Variants in FAM8A1 observed in about 807,000 individuals in gnomAD.
The protein encoded by FAM8A1 is protein FAM8A1.
FAM8A1 carries 18 observed loss-of-function variants against 38.3 expected under a neutral mutation model. The observed-to-expected ratio is 0.47, with a 90% CI of 0.33 to 0.70. The LOEUF (loss-of-function observed/expected upper bound fraction) is 0.70. Among genes scored for constraint, FAM8A1 ranks in the 30% least tolerant of loss-of-function variants. FAM8A1 has a pLI of 0.03. For synonymous variants in FAM8A1, 246 were observed against 234.4 expected (o/e 1.05, Z -0.45); for missense variants, 559 against 559.6 (o/e 1.00, Z 0.01).
chr6:17,602,092 G>C (rs1278491906), intron 1 of FAM8A1, among the ~76,000 whole-genome samples: 1 of 152,236 alleles, frequency 6.6e-6, no homozygotes, highest in Non-Finnish European at 1.5e-5. Flanking sequence ...TAGTGCAGTG[G>C]CGATCTTGGC....
chr6:17,600,585 C>T lies in FAM8A1; in HGVS notation c.176C>T (p.Ala59Val). The T allele has an allele frequency of 6.7e-7, 1 of 1,489,994 alleles. No homozygotes were observed. The highest frequency in any genetic ancestry group is 8.9e-7 in the Non-Finnish European group (1 of 1,124,902). 92.3% of individuals were successfully genotyped at this position (1,489,994 alleles called of 1,614,324 possible). A position where few individuals can be genotyped will look rare whatever the true frequency, so the allele number is the denominator to read the frequency against. ...APGRPTAPGLAAAAAADKLEP... is the reference protein window; with the variant it reads ...APGRPTAPGLVAAAAADKLEP... ...GGCCGGCCCACAGCCCCGGGCCTCG[C>T]GGCTGCCGCCGCAGCCGACAAATTG... The change falls in exon 1 of 5, where the codon GCG becomes GTG. Residue 59 changes from alanine (A) to valine (V), a missense_variant. By Grantham distance (64) the Ala-to-Val change is moderately conservative. Around this residue, in one of 2 missense-constraint regions of FAM8A1, gnomAD observed 393 missense variants for 338.9 expected, o/e 1.16. Transcript: ENST00000259963.
At chr6:17,604,844 A>T (rs963021452) in intron 2 of FAM8A1, 62 bp from the exon 3 acceptor site, 8 of 1,376,068 alleles carry the variant, frequency 5.8e-6, no homozygotes, top group Non-Finnish European at 7.8e-6. Flanking sequence ...TAATGAAAAA[A>T]AAGTCAGTGC....
intron 4 of FAM8A1, 139 bp from the exon 5 acceptor site, chr6:17,608,056 T>C: frequency 2.2e-6 from 2 of 914,800 alleles, no homozygotes; most frequent in Non-Finnish European, 3.3e-6. Context: ...AACTATACCT[T>C]GAATGTCTTT....
At chr6:17,601,341 G>A (rs1214670067) in intron 1 of FAM8A1, among the ~76,000 whole-genome samples, 1 of 152,190 alleles carries the variant, frequency 6.6e-6, no homozygotes, top group East Asian at 1.9e-4. Context: ...ACTCCAAATT[G>A]ACTCCCTTAC....
At chr6:17,606,401 C>T (rs909440011) in intron 4 of FAM8A1, among the ~76,000 whole-genome samples, 5 of 152,072 alleles carry the variant, frequency 3.3e-5, no homozygotes, top group Admixed American at 6.6e-5. Flanking sequence ...GGGGTTTCAC[C>T]GTGTTAACCA....
chr6:17,600,995 C>G lies in FAM8A1; in HGVS notation c.586C>G (p.Pro196Ala), dbSNP rs1365768590. The G allele has an allele frequency of 6.3e-7, 1 of 1,591,142 alleles. No individual in the cohort carries two copies. The highest frequency in any genetic ancestry group is 8.5e-7 in the Non-Finnish European group (1 of 1,170,836). ...GCGGACAGCTGCCGGCATCAGCACC[C>G]CTGCTCCAGTCGCGGGCCTGGGACC... ...DPRTAAGIST[P>A]APVAGLGPRA... Residue 196 changes from proline (P) to alanine (A), a missense_variant, in exon 1 of 5, where the codon CCT becomes GCT. Coordinates refer to ENST00000259963, the MANE Select transcript of FAM8A1 (RefSeq NM_016255.3).
At chr6:17,601,722 T>A (rs1763987938) in intron 1 of FAM8A1, among the ~76,000 whole-genome samples, 1 of 152,360 alleles carries the variant, frequency 6.6e-6, no homozygotes, top group South Asian at 2.1e-4. Flanking sequence ...ACTTTTAGTT[T>A]ATTTTAGTTA....
rs753736717 is a variant in FAM8A1, at chr6:17,600,525, C to G, written c.116C>G (p.Pro39Arg). 14 of 1,534,166 alleles carry G rather than the reference C, an allele frequency of 9.1e-6. No homozygotes were observed. Among genetic ancestry groups the G allele is most frequent in the Admixed American group, 2.0e-5 (1 of 50,926 alleles). Reference sequence around the variant, plus strand: ...CCTCCTACCACCGCCGTCCCATGCCCCCGCGACGACCCCCAGGCCGAACCC... The same window carrying G: ...CCTCCTACCACCGCCGTCCCATGCCGCCGCGACGACCCCCAGGCCGAACCC... ...RGPPTTAVPC[P>R]RDDPQAEPQA... is the part of the protein sequence containing the mutation. Residue 39 changes from proline to arginine, a missense_variant, in exon 1 of 5, where the codon CCC (proline) becomes CGC (arginine). This residue lies in a region of FAM8A1 where 393 missense variants were observed against 338.9 expected (regional missense o/e 1.16). Coordinates refer to ENST00000259963, the MANE Select transcript of FAM8A1 (RefSeq NM_016255.3).
At position 17,600,549 on chromosome 6, in the gene FAM8A1, C is replaced by A. The variant is rs752524146; in HGVS notation, c.140C>A (p.Pro47His). 2 of 1,513,606 alleles carry A rather than the reference C, an allele frequency of 1.3e-6. No individual in the cohort carries two copies. The highest frequency in any genetic ancestry group is 2.1e-5 in the Admixed American group (1 of 46,550). The allele number at this position is 1,513,606 out of a possible 1,614,324, so 93.8% of individuals were successfully genotyped here. The change falls in exon 1 of 5, where the codon CCC becomes CAC. Residue 47 changes from proline (P) to histidine (H), a missense_variant. Physicochemically the swap from Pro to His is moderately conservative, Grantham distance 77. Coordinates refer to ENST00000259963, the MANE Select transcript of FAM8A1 (RefSeq NM_016255.3). ...CCCCGCGACGACCCCCAGGCCGAAC[C>A]CCAGGCCCCGGGCCGGCCCACAGCC... The part of the protein sequence containing the change: ...PCPRDDPQAE[P>H]QAPGRPTAPG...
Position 17,600,515 on chromosome 6 carries a change from G to A in FAM8A1, c.106G>A (p.Val36Ile), listed in dbSNP as rs1581638401. 1 of 1,534,220 alleles carries A rather than the reference G, an allele frequency of 6.5e-7. No homozygotes were observed. Among genetic ancestry groups the A allele is most frequent in the Non-Finnish European group, 8.7e-7 (1 of 1,144,978 alleles). Residue 36 changes from valine (V) to isoleucine (I), a missense_variant, in exon 1 of 5, where the codon GTC (valine) becomes ATC (isoleucine). This residue lies in a region of FAM8A1 where 393 missense variants were observed against 338.9 expected (regional missense o/e 1.16). Transcript: ENST00000259963. ...CCTGAGAGGCCCTCCTACCACCGCC[G>A]TCCCATGCCCCCGCGACGACCCCCA... ...PSLRGPPTTA[V>I]PCPRDDPQAE...
chr6:17,601,316 TC>T (rs1233670369), intron 1 of FAM8A1, among the ~76,000 whole-genome samples, 195 bp downstream of exon 1: 1 of 152,184 alleles, frequency 6.6e-6, no homozygotes, highest in African/African-American at 2.4e-5. Context: ...AGTTTCTTCT[TC>T]CTTTAGACCT....
intron 4 of FAM8A1, 109 bp downstream of exon 4, chr6:17,606,122 A>G (rs1764050431): frequency 5.4e-6 from 4 of 745,350 alleles, no homozygotes; most frequent in Non-Finnish European, 7.7e-6. Flanking sequence ...TATTAAGTTA[A>G]AACAAAGTTT....
In FAM8A1 at chr6:17,600,636, G is replaced by C. The variant is rs1212205502; in HGVS notation, c.227G>C (p.Arg76Pro). ...KLEPPRELRK[R>P]GEAASGSGAE... ...GAGCCGCCGCGCGAGCTCAGGAAGCGCGGGGAGGCGGCCTCCGGCTCCGGT... is the reference window on the plus strand; with the variant it reads ...GAGCCGCCGCGCGAGCTCAGGAAGCCCGGGGAGGCGGCCTCCGGCTCCGGT... The change falls in exon 1 of 5, where the codon CGC becomes CCC. Residue 76 changes from arginine (R) to proline (P), a missense_variant. By Grantham distance (103) the Arg-to-Pro change is moderately radical. This residue lies in a region of FAM8A1 where 393 missense variants were observed against 338.9 expected (regional missense o/e 1.16). Transcript: ENST00000259963. The C allele has an allele frequency of 6.5e-7, 1 of 1,534,204 alleles. No homozygotes were observed. Among genetic ancestry groups the C allele is most frequent in the Non-Finnish European group, 8.7e-7 (1 of 1,146,230 alleles).
rs1391820021 is a variant in FAM8A1 at position 17,611,572 on chromosome 6, ACTT to A, written c.*3237_*3239del. Reference sequence around the variant, plus strand: ...GTTCCTCATTTCAAACAGTATACATACTTCTTTGCAGTTCATTATAGTAAGGCT... The same window carrying A: ...GTTCCTCATTTCAAACAGTATACATACTTTGCAGTTCATTATAGTAAGGCT... On this transcript the variant is annotated 3_prime_UTR_variant, in exon 5 of 5. Coordinates refer to ENST00000259963, the MANE Select transcript of FAM8A1 (RefSeq NM_016255.3). The A allele has an allele frequency of 6.6e-6, 1 of 152,668 alleles. No individual in the cohort carries two copies. The highest frequency in any genetic ancestry group is 2.1e-4 in the South Asian group (1 of 4,816). The allele number at this position is 152,668 out of a possible 1,614,324, so 9.5% of individuals were successfully genotyped here.
At chr6:17,607,532 CATAAGA>C (rs1764073212) in intron 4 of FAM8A1, among the ~76,000 whole-genome samples, 3 of 151,960 alleles carry the variant, frequency 2.0e-5, no homozygotes, top group Non-Finnish European at 1.5e-5. Flanking sequence ...TCTATAGTAT[CATAAGA>C]TAGATACTAT....
rs1016516330 is a variant in FAM8A1, at chr6:17,610,264, G to A, written c.*1925G>A. 5.9e-5 allele frequency: 9 copies of A among 152,022 alleles called. No homozygotes were observed. Among genetic ancestry groups the A allele is most frequent in the African/African-American group, 2.2e-4 (9 of 41,398 alleles). 9.4% of individuals were successfully genotyped at this position (152,022 alleles called of 1,614,324 possible). ...TAATTTCTGCTCAGATAATTGAATA[G>A]TTTGCCATCGAGATTATTTTCATTT... On this transcript the variant is annotated 3_prime_UTR_variant, in exon 5 of 5. Coordinates refer to ENST00000259963, the MANE Select transcript of FAM8A1 (RefSeq NM_016255.3).
intron 1 of FAM8A1, among the ~76,000 whole-genome samples, chr6:17,601,853 G>A (rs1306600450): frequency 6.6e-6 from 1 of 151,622 alleles, no homozygotes; most frequent in East Asian, 1.9e-4. Context: ...AAAACGGGTG[G>A]GGGGGGATTA....
rs1460536334 is a variant in FAM8A1, at chr6:17,609,824, C to T, written c.*1485C>T. 6.6e-6 allele frequency: 1 copy of T among 152,102 alleles called. No individual in the cohort carries two copies. The highest frequency in any genetic ancestry group is 1.5e-5 in the Non-Finnish European group (1 of 68,000). The allele number at this position is 152,102 out of a possible 1,614,324, so 9.4% of individuals were successfully genotyped here. A position where few individuals can be genotyped will look rare whatever the true frequency, so the allele number is the denominator to read the frequency against. On this transcript the variant is annotated 3_prime_UTR_variant, in exon 5 of 5. Transcript: ENST00000259963. ...ATTTAACAGCAAACACAGCACATAT[C>T]TATTATCACTATATTAATTTTCAAA...
chr6:17,601,180 T>G (rs531123857), intron 1 of FAM8A1, 59 bp downstream of exon 1: 1 of 1,533,288 alleles, frequency 6.5e-7, no homozygotes, highest in African/African-American at 1.4e-5. Context: ...GCCTGTGGGG[T>G]AGAGCTGGCA....
Sources: gnomAD v4.1 joint callset for allele counts (sites outside exome capture counted in the v4.1 genomes callset) on GRCh38, gnomAD v4.1.1 for gene constraint, gnomAD v4.1.1 regional missense constraint, MANE v1.5 for transcripts, NCBI Gene and HGNC (gene_info 2026-07-23, HGNC 2026-07-21) for gene names.